PCDH7: variants seen among roughly 807,000 people sequenced by gnomAD.
The protein encoded by PCDH7 is protocadherin-7.
PCDH7 carries 17 observed loss-of-function variants against 58.9 expected under a neutral mutation model. The observed-to-expected ratio is 0.29, with a 90% CI of 0.20 to 0.43. The LOEUF (loss-of-function observed/expected upper bound fraction) is 0.43. PCDH7 is among the 20% of genes least tolerant of loss of function. PCDH7 has a pLI of 1.00. For missense variants in PCDH7, 1,274 were observed against 1,441.0 expected (o/e 0.88, Z 1.88); for synonymous variants, 664 against 616.4 (o/e 1.08, Z -1.14).
At chr4:30,902,471 G>A (rs949761926) in intron 1 of PCDH7, among the ~76,000 whole-genome samples, 6 of 152,046 alleles carry the variant, frequency 3.9e-5, no homozygotes, top group Non-Finnish European at 7.4e-5. Context: ...TTAATTACAT[G>A]CTTTATTATT....
chr4:30,974,490 G>C (rs1195320020), intron 3 of PCDH7, among the ~76,000 whole-genome samples: 1 of 151,760 alleles, frequency 6.6e-6, no homozygotes, highest in African/African-American at 2.4e-5. Flanking sequence ...CACCACACAA[G>C]CCTCTCATTT....
At chr4:30,838,035 C>A (rs1730732925) in intron 1 of PCDH7, among the ~76,000 whole-genome samples, 1 of 151,640 alleles carries the variant, frequency 6.6e-6, no homozygotes, top group South Asian at 2.1e-4. Flanking sequence ...ATATCTTCTT[C>A]ATCATGCTGG....
Position 30,868,634 on chromosome 4 carries a change from C to T in PCDH7, c.71-51519C>T, listed in dbSNP as rs1735171366. Among the ~76,000 whole-genome samples, 3 of 151,900 alleles carry T rather than the reference C, an allele frequency of 2.0e-5. No individual in the cohort carries two copies. In the South Asian group the frequency reaches 6.2e-4, roughly 32 times the overall value. The stretch of plus-strand genomic sequence containing the variant: ...TAAACTCTCTGATGGAAAAAAAAAT[C>T]TATGTTTATGTAAGTGTGACTGATG... On this transcript the variant is annotated intron_variant, in intron 1 of 3. Coordinates refer to the PCDH7 transcript ENST00000509759.
chr4:31,093,801 T>A (rs899778593), intron 3 of PCDH7, among the ~76,000 whole-genome samples: 1 of 152,068 alleles, frequency 6.6e-6, no homozygotes, highest in Non-Finnish European at 1.5e-5. Flanking sequence ...CTTTCCTCTA[T>A]CTTTTTTTGA....
At chr4:30,759,747 T>C (rs1719784260) in intron 1 of PCDH7, among the ~76,000 whole-genome samples, 1 of 152,146 alleles carries the variant, frequency 6.6e-6, no homozygotes, top group South Asian at 2.1e-4. Context: ...TTCATATAAA[T>C]GAAATCTTTA....
intron 1 of PCDH7, among the ~76,000 whole-genome samples, chr4:30,787,862 T>C (rs1164553818): frequency 6.6e-6 from 1 of 152,096 alleles, no homozygotes; most frequent in African/African-American, 2.4e-5. Flanking sequence ...AGAGGTAGAG[T>C]AAACTGTCTT....
At position 30,764,807 on chromosome 4, in the gene PCDH7, C is replaced by T. The variant is rs572326500; in HGVS notation, c.70+40211C>T. Among the ~76,000 whole-genome samples, 11 of 151,882 alleles carry T rather than the reference C, an allele frequency of 7.2e-5. No homozygotes were observed. In the South Asian group the frequency reaches 2.1e-3, roughly 29 times the overall value. On this transcript the variant is annotated intron_variant, in intron 1 of 3. Coordinates refer to the PCDH7 transcript ENST00000509759. ...GCGATCTCAGCTCACTACAACCTCC[C>T]CCTCCCTGGTTCAAGCTATTCTCCT...
chr4:31,056,552 G>GAGAGAGGAAGGGAAGGGA (rs1166026088), intron 3 of PCDH7, among the ~76,000 whole-genome samples: 1 of 147,406 alleles, frequency 6.8e-6, no homozygotes, highest in Non-Finnish European at 1.5e-5. Flanking sequence ...GAGGGAGAGA[G>GAGAGAGGAAGGGAAGGGA]AGAGAGGAAG....
intron 1 of PCDH7, among the ~76,000 whole-genome samples, chr4:30,762,931 A>G (rs1391061617): frequency 6.6e-6 from 1 of 152,216 alleles, no homozygotes; most frequent in Non-Finnish European, 1.5e-5. Context: ...AATGGCAAAC[A>G]GCAATTTAAA....
chr4:30,752,632 C>CTT (rs35672332), intron 1 of PCDH7, among the ~76,000 whole-genome samples: 27,880 of 140,018 alleles, frequency 0.2, 3,018 homozygotes, highest in East Asian at 0.29. Context: ...TGGACTCTTA[C>CTT]TTTTTTTTTT....
intron 3 of PCDH7, among the ~76,000 whole-genome samples, chr4:31,116,244 G>A (rs779646333): frequency 3.5e-4 from 53 of 152,152 alleles, no homozygotes; most frequent in Non-Finnish European, 6.5e-4. Context: ...CACCCTTACA[G>A]CTGTAATTCT....
intron 3 of PCDH7, among the ~76,000 whole-genome samples, chr4:31,067,805 A>T (rs1236304034): frequency 1.3e-5 from 2 of 152,064 alleles, no homozygotes; most frequent in Non-Finnish European, 2.9e-5. Context: ...TCATTCTAAG[A>T]TATCATAGAA....
chr4:30,832,570 C>G (rs919351401), intron 1 of PCDH7, among the ~76,000 whole-genome samples: 4 of 152,122 alleles, frequency 2.6e-5, no homozygotes, highest in African/African-American at 9.7e-5. Flanking sequence ...ATAGTGCCTA[C>G]CTTGTAACAA....
intron 1 of PCDH7, among the ~76,000 whole-genome samples, chr4:30,908,109 G>T (rs1176994185): frequency 1.3e-5 from 2 of 152,018 alleles, no homozygotes; most frequent in African/African-American, 2.4e-5. Flanking sequence ...GGGGGTGAGG[G>T]GCTAGGGGAG....
At chr4:31,061,353 T>C (rs1013965412) in intron 3 of PCDH7, among the ~76,000 whole-genome samples, 97 of 151,800 alleles carry the variant, frequency 6.4e-4, no homozygotes, top group African/African-American at 2.3e-3. Context: ...TCTTTTAAAT[T>C]GTATAATGCA....
intron 3 of PCDH7, among the ~76,000 whole-genome samples, chr4:31,028,261 T>C (rs1754610126): frequency 6.6e-6 from 1 of 152,164 alleles, no homozygotes; most frequent in South Asian, 2.1e-4. Context: ...AGAATGTTCT[T>C]TTATTTAAAA....
chr4:30,966,504 A>G (rs34384535), intron 3 of PCDH7, among the ~76,000 whole-genome samples: 7,494 of 152,218 alleles, frequency 0.049, 430 homozygotes, highest in East Asian at 0.28. Context: ...AAATTGCAGG[A>G]AAAATGTGGG....
chr4:30,894,463 GAAAAAAAAAAA>G (rs750545292), intron 1 of PCDH7, among the ~76,000 whole-genome samples: 414 of 12,800 alleles, frequency 0.032, 2 homozygotes, highest in Middle Eastern at 0.17. Context: ...TTTCATTCAG[GAAAAAAAAAAA>G]AAAAAAAAAA....
chr4:31,064,883 C>T (rs1458344134), intron 3 of PCDH7, among the ~76,000 whole-genome samples: 2 of 151,834 alleles, frequency 1.3e-5, no homozygotes, highest in South Asian at 4.2e-4. Flanking sequence ...TATACTTGTG[C>T]AAAACTAGAA....
Sources: gnomAD v4.1 joint callset for allele counts (sites outside exome capture counted in the v4.1 genomes callset) on GRCh38, gnomAD v4.1.1 for gene constraint, MANE v1.5 for transcripts, NCBI Gene and HGNC (gene_info 2026-07-23, HGNC 2026-07-21) for gene names.